NR3C1: variants seen among roughly 807,000 people sequenced by gnomAD.
NR3C1 encodes glucocorticoid receptor.
A neutral mutation model predicts 74.0 loss-of-function variants in NR3C1; 14 were observed. The observed-to-expected ratio is 0.19, with a 90% CI of 0.12 to 0.30. The LOEUF (loss-of-function observed/expected upper bound fraction) is 0.30, where lower values mean the gene tolerates loss of function less well. Among genes scored for constraint, NR3C1 ranks in the 10% least tolerant of loss-of-function variants. The pLI, the probability that NR3C1 is intolerant of heterozygous loss-of-function variation, is 1.00. For synonymous variants in NR3C1, 308 were observed against 332.5 expected (o/e 0.93, Z 0.80); for missense variants, 695 against 909.8 (o/e 0.76, Z 3.04).
chr5:143,406,445 A>G (rs1165908061), upstream of NR3C1, among the ~76,000 whole-genome samples: 2 of 151,242 alleles, frequency 1.3e-5, no homozygotes, highest in East Asian at 3.9e-4. Flanking sequence ...TTCTCTCTTC[A>G]GCAATCTAAA....
At chr5:143,311,113 T>G (rs922043152) in intron 3 of NR3C1, among the ~76,000 whole-genome samples, 1 of 152,242 alleles carries the variant, frequency 6.6e-6, no homozygotes, top group Non-Finnish European at 1.5e-5. Flanking sequence ...ACCAGCTGTT[T>G]CAATTTCTTT....
At chr5:143,290,707 A>T (rs1815686455) in intron 7 of NR3C1, among the ~76,000 whole-genome samples, 2 of 152,078 alleles carry the variant, frequency 1.3e-5, no homozygotes, top group South Asian at 4.1e-4. Flanking sequence ...AGCTAGGATA[A>T]CAGGCATGCA....
At chr5:143,388,726 G>A (rs1377513205) in intron 2 of NR3C1, among the ~76,000 whole-genome samples, 1 of 152,156 alleles carries the variant, frequency 6.6e-6, no homozygotes, top group Non-Finnish European at 1.5e-5. Context: ...TCAGATTTGG[G>A]CTTATACACT....
At chr5:143,323,016 T>C (rs1311563115) in intron 2 of NR3C1, among the ~76,000 whole-genome samples, 2 of 152,240 alleles carry the variant, frequency 1.3e-5, no homozygotes, top group African/African-American at 4.8e-5. Flanking sequence ...TTTGACAGTT[T>C]CAGGTACCTG....
Position 143,370,735 on chromosome 5 carries a change from G to GC in NR3C1, c.1184+28920_1184+28921insG, listed in dbSNP as rs879314451. 1.6e-3 allele frequency among the ~76,000 whole-genome samples: 248 copies of GC among 152,252 alleles called. 2 individuals carry two copies. The highest frequency in any genetic ancestry group is 0.01 in the Middle Eastern group (3 of 294). On this transcript the variant is annotated intron_variant, in intron 2 of 8. Coordinates refer to ENST00000394464, the MANE Select transcript of NR3C1 (RefSeq NM_000176.3). The stretch of plus-strand genomic sequence containing the variant: ...TTATTTGAGCAGCTTCATGATAGAT[G>GC]AAGAAACACAAAAATTCCCACTTGG...
At chr5:143,410,361 G>T (rs757575425) in intron 1 of NR3C1, among the ~76,000 whole-genome samples, 3 of 151,976 alleles carry the variant, frequency 2.0e-5, no homozygotes, top group Non-Finnish European at 4.4e-5. Flanking sequence ...AGAAATAGTG[G>T]GGTTGAGATG....
chr5:143,406,826 A>C (rs1281464877), upstream of NR3C1: 2 of 152,248 alleles, frequency 1.3e-5, no homozygotes, highest in Non-Finnish European at 2.9e-5. Context: ...TAGACTACTT[A>C]CAATATGTGC....
intron 4 of NR3C1, among the ~76,000 whole-genome samples, chr5:143,303,297 A>ACCCC (rs571906631): frequency 0.011 from 1,719 of 151,184 alleles, 33 homozygotes; most frequent in African/African-American, 0.039. Context: ...TTTTCAGCTG[A>ACCCC]CCCCCGTATA....
intron 2 of NR3C1, among the ~76,000 whole-genome samples, chr5:143,327,101 G>T (rs868332575): frequency 6.6e-6 from 1 of 152,158 alleles, no homozygotes; most frequent in Non-Finnish European, 1.5e-5. Flanking sequence ...ATCTGAGACT[G>T]GGTAATTTAT....
At chr5:143,405,356 G>C, upstream of NR3C1, 2 of 985,700 alleles carry the variant, frequency 2.0e-6, no homozygotes, top group Non-Finnish European at 2.4e-6. Flanking sequence ...TCAGACTGAC[G>C]GCGGCTCCCC....
intron 2 of NR3C1, among the ~76,000 whole-genome samples, chr5:143,380,020 A>T (rs1835899789): frequency 6.6e-6 from 1 of 152,210 alleles, no homozygotes; most frequent in Admixed American, 6.5e-5. Context: ...TATCTCATTT[A>T]CAGGAGTGAT....
chr5:143,310,684 C>T (rs1445183790), intron 3 of NR3C1, among the ~76,000 whole-genome samples: 4 of 152,110 alleles, frequency 2.6e-5, no homozygotes, highest in East Asian at 3.9e-4. Context: ...GATGGAGTCT[C>T]GCTCTGTCGC....
chr5:143,304,299 C>T (rs530955201), intron 4 of NR3C1, among the ~76,000 whole-genome samples: 3 of 152,158 alleles, frequency 2.0e-5, no homozygotes, highest in African/African-American at 7.2e-5. Context: ...ATCAAGAATG[C>T]AATCCCATTT....
At chr5:143,394,467 T>C (rs942997105) in intron 2 of NR3C1, among the ~76,000 whole-genome samples, 1 of 151,944 alleles carries the variant, frequency 6.6e-6, no homozygotes, top group African/African-American at 2.4e-5. Flanking sequence ...TGCTCTCCAG[T>C]CAGTTGACAA....
At chr5:143,294,186 C>G (rs1205271871) in intron 7 of NR3C1, 3 of 984,780 alleles carry the variant, frequency 3.0e-6, no homozygotes, top group Middle Eastern at 5.2e-4. Context: ...AATAAAATCA[C>G]AGTCTTGTGC....
intron 2 of NR3C1, chr5:143,333,152 C>T (rs968097025): frequency 6.4e-7 from 1 of 1,573,876 alleles, no homozygotes; most frequent in African/African-American, 1.4e-5. Context: ...ATCATGCTAC[C>T]AAAAATAGAG....
chr5:143,379,555 AC>A (rs1229085904), intron 2 of NR3C1, among the ~76,000 whole-genome samples: 8 of 152,270 alleles, frequency 5.3e-5, no homozygotes, highest in Admixed American at 1.3e-4. Context: ...AAATAAAAAA[AC>A]ACCTCTCCCT....
intron 1 of NR3C1, among the ~76,000 whole-genome samples, chr5:143,419,128 C>T (rs899477924): frequency 6.6e-6 from 1 of 152,152 alleles, no homozygotes; most frequent in African/African-American, 2.4e-5. Flanking sequence ...GGATGCTCTA[C>T]CTGTATGTAT....
At chr5:143,389,345 C>T (rs1837834467) in intron 2 of NR3C1, among the ~76,000 whole-genome samples, 1 of 152,170 alleles carries the variant, frequency 6.6e-6, no homozygotes, top group Admixed American at 6.5e-5. Context: ...GAATTCTTGG[C>T]CTAGAACATG....
Sources: allele counts gnomAD v4.1 joint callset (sites outside exome capture counted in the v4.1 genomes callset), GRCh38; gene constraint gnomAD v4.1.1; transcripts MANE v1.5; gene names NCBI Gene and HGNC (gene_info 2026-07-23, HGNC 2026-07-21).